The following COMMD1 variants were observed in gnomAD, a reference collection of about 807,000 sequenced individuals.
The protein encoded by COMMD1 is copper metabolism domain containing 1.
A neutral mutation model predicts 17.2 loss-of-function variants in COMMD1; 10 were observed. The observed-to-expected ratio is 0.58, with a 90% CI of 0.36 to 0.99. The LOEUF (loss-of-function observed/expected upper bound fraction) is 0.99, where lower values mean the gene tolerates loss of function less well. COMMD1 is among the 50% of genes least tolerant of loss of function. The pLI is 0.01. For synonymous variants in COMMD1, 97 were observed against 91.6 expected, an observed-to-expected ratio of 1.06 and a Z score of -0.34; for missense variants, 270 against 231.8, an observed-to-expected ratio of 1.17 and a Z score of -1.07.
chr2:61,967,296 A>C (rs1050782687), intron 1 of COMMD1, among the ~76,000 whole-genome samples: 2 of 152,218 alleles, frequency 1.3e-5, no homozygotes, highest in African/African-American at 4.8e-5. Context: ...ACATAAAAAC[A>C]TACAATCCGA....
At chr2:61,972,877 G>T (rs1474295439) in intron 1 of COMMD1, among the ~76,000 whole-genome samples, 2 of 151,938 alleles carry the variant, frequency 1.3e-5, no homozygotes, top group Non-Finnish European at 2.9e-5. Flanking sequence ...CAGCAAGTTG[G>T]CCAGGCTGGT....
intron 1 of COMMD1, among the ~76,000 whole-genome samples, chr2:61,942,393 C>T (rs1008002933): frequency 7.6e-4 from 114 of 150,500 alleles, no homozygotes; most frequent in African/African-American, 2.6e-3. Flanking sequence ...CATGAGCCAC[C>T]ACGCCTGGCT....
intron 1 of COMMD1, chr2:61,969,023 A>G: frequency 2.2e-6 from 1 of 446,962 alleles, no homozygotes; most frequent in Non-Finnish European, 4.5e-6. Flanking sequence ...CATAGGCACA[A>G]TCATGGCACA....
intron 2 of COMMD1, among the ~76,000 whole-genome samples, chr2:62,061,306 A>C (rs1241043316): frequency 6.6e-6 from 1 of 152,092 alleles, no homozygotes; most frequent in Non-Finnish European, 1.5e-5. Flanking sequence ...AGATATATGG[A>C]TTCTGTTATG....
chr2:61,978,592 G>T (rs1045099290), intron 1 of COMMD1, among the ~76,000 whole-genome samples: 1 of 152,162 alleles, frequency 6.6e-6, no homozygotes, highest in African/African-American at 2.4e-5. Flanking sequence ...AAGAGGAAAA[G>T]TTCCTCTCCT....
intron 2 of COMMD1, among the ~76,000 whole-genome samples, chr2:62,047,545 C>T (rs1189649825): frequency 1.3e-5 from 2 of 151,790 alleles, no homozygotes; most frequent in Non-Finnish European, 2.9e-5. Flanking sequence ...ACCTCCGCCT[C>T]CTGGGTTCAA....
chr2:61,894,879 G>A (rs887099051), intron 1 of COMMD1, among the ~76,000 whole-genome samples: 4 of 151,888 alleles, frequency 2.6e-5, no homozygotes, highest in African/African-American at 9.7e-5. Flanking sequence ...TGTATTTTTA[G>A]TAGAGGCAGG....
chr2:62,021,908 T>C (rs1355863655), intron 2 of COMMD1, among the ~76,000 whole-genome samples: 1 of 152,224 alleles, frequency 6.6e-6, no homozygotes, highest in East Asian at 1.9e-4. Context: ...AACAGATACT[T>C]GATTTGTGTT....
At chr2:62,032,056 C>A (rs1251515121) in intron 2 of COMMD1, among the ~76,000 whole-genome samples, 1 of 152,062 alleles carries the variant, frequency 6.6e-6, no homozygotes, top group Non-Finnish European at 1.5e-5. Flanking sequence ...TTTATTATTT[C>A]CCTAGTTAAA....
upstream of COMMD1, among the ~76,000 whole-genome samples, chr2:61,900,909 G>T (rs949469097): frequency 6.6e-5 from 10 of 152,260 alleles, no homozygotes; most frequent in Admixed American, 2.0e-4. Flanking sequence ...TTCATATTCA[G>T]TGGACATGGA....
intron 2 of COMMD1, among the ~76,000 whole-genome samples, chr2:62,129,857 T>TAA (rs1672977543): frequency 6.6e-6 from 1 of 152,132 alleles, no homozygotes; most frequent in Non-Finnish European, 1.5e-5. Context: ...GGATAGGCTT[T>TAA]ATGGCCAAAG....
intron 1 of COMMD1, among the ~76,000 whole-genome samples, chr2:61,996,564 A>G (rs1028446747): frequency 6.6e-6 from 1 of 152,126 alleles, no homozygotes; most frequent in African/African-American, 2.4e-5. Context: ...CCTCTTTCCA[A>G]ATTGGAGTCA....
At position 61,891,589 on chromosome 2, in the gene COMMD1, G is replaced by A. The variant is rs555010865; in HGVS notation, n.119+2747G>A. On this transcript the variant is annotated intron_variant and non_coding_transcript_variant, in intron 1 of 2. Transcript: ENST00000472729. ...CTAAAAATACAAAAATTAGCCAGGCGTGGTGTCAGATGCCTGTAATCCCAG... is the reference window on the plus strand; with the variant it reads ...CTAAAAATACAAAAATTAGCCAGGCATGGTGTCAGATGCCTGTAATCCCAG... Among the ~76,000 whole-genome samples the A allele has an allele frequency of 5.3e-4, 81 of 151,896 alleles. 1 individual carries two copies. Among genetic ancestry groups the A allele is most frequent in the African/African-American group, 1.4e-3 (60 of 41,482 alleles).
chr2:61,974,230 G>T (rs1297949860), intron 1 of COMMD1, among the ~76,000 whole-genome samples: 1 of 152,160 alleles, frequency 6.6e-6, no homozygotes, highest in Non-Finnish European at 1.5e-5. Context: ...GGAGACAGAG[G>T]TTGCACTGAG....
intron 2 of COMMD1, among the ~76,000 whole-genome samples, chr2:62,086,465 C>T (rs1240582568): frequency 2.0e-5 from 3 of 150,776 alleles, no homozygotes; most frequent in Non-Finnish European, 4.4e-5. Flanking sequence ...GAGCAGAGAT[C>T]GCGCCACTGC....
rs146717721 is a variant in COMMD1 at position 61,941,003 on chromosome 2, G to A, written c.180+35145G>A. Among the ~76,000 whole-genome samples, 535 of 147,916 alleles carry A rather than the reference G, an allele frequency of 3.6e-3. 12 individuals carry two copies. Among genetic ancestry groups the A allele is most frequent in the Non-Finnish European group, 5.3e-4 (36 of 67,294 alleles). ...GCGCCCGGCTGGGGTGAATTCTTTC[G>A]CTCCCTTTTTCCTTTCCCTTTTTTT... On this transcript the variant is annotated intron_variant, in intron 1 of 2. Coordinates refer to ENST00000311832, the MANE Select transcript of COMMD1 (RefSeq NM_152516.4).
chr2:61,902,615 T>C (rs62149900), upstream of COMMD1, among the ~76,000 whole-genome samples: 1 of 152,158 alleles, frequency 6.6e-6, no homozygotes, highest in Non-Finnish European at 1.5e-5. Flanking sequence ...AAAAAAAATT[T>C]ACTCTCAAAA....
intron 2 of COMMD1, among the ~76,000 whole-genome samples, chr2:62,084,579 G>T (rs539599713): frequency 2.8e-4 from 42 of 152,262 alleles, no homozygotes; most frequent in Non-Finnish European, 5.9e-4. Context: ...CACTCATATT[G>T]TTCAAGGGTC....
chr2:62,089,542 C>G (rs1671766444), intron 2 of COMMD1, among the ~76,000 whole-genome samples: 1 of 152,148 alleles, frequency 6.6e-6, no homozygotes, highest in Non-Finnish European at 1.5e-5. Context: ...CTCGGCCTCT[C>G]AAAGTGCTGG....
Sources: gnomAD v4.1 joint callset for allele counts (sites outside exome capture counted in the v4.1 genomes callset) on GRCh38, gnomAD v4.1.1 for gene constraint, MANE v1.5 for transcripts, NCBI Gene and HGNC (gene_info 2026-07-23, HGNC 2026-07-21) for gene names.